PTPRQ: variants seen among roughly 807,000 people sequenced by gnomAD.
PTPRQ encodes protein tyrosine phosphatase receptor type Q.
PTPRQ carries 199 observed loss-of-function variants against 246.0 expected under a neutral mutation model. The ratio of observed to expected loss-of-function variants is 0.81; its 90% confidence interval spans 0.72 to 0.91. The LOEUF is 0.91. Ranked by LOEUF, PTPRQ falls within the 40% of genes least tolerant of loss-of-function variation. The pLI is 0.00. For missense variants in PTPRQ, 2,624 were observed against 2,528.4 expected, an observed-to-expected ratio of 1.04 and a Z score of -0.81; for synonymous variants, 869 against 853.2, an observed-to-expected ratio of 1.02 and a Z score of -0.32.
At chr12:80,562,243 A>G (rs535809362) in intron 25 of PTPRQ, among the ~76,000 whole-genome samples, 21 of 152,256 alleles carry the variant, frequency 1.4e-4, no homozygotes, top group African/African-American at 4.6e-4. Flanking sequence ...AATACTGGTC[A>G]GTAGTTTGCT....
At chr12:80,643,012 A>G (rs1899943069) in intron 35 of PTPRQ, among the ~76,000 whole-genome samples, 1 of 152,068 alleles carries the variant, frequency 6.6e-6, no homozygotes, top group African/African-American at 2.4e-5. Context: ...TGAGAAAGGA[A>G]GAAACATTGC....
intron 6 of PTPRQ, among the ~76,000 whole-genome samples, chr12:80,467,210 A>C (rs956330109): frequency 6.6e-6 from 1 of 152,176 alleles, no homozygotes; most frequent in Admixed American, 6.5e-5. Context: ...ATGAACAGAC[A>C]CTTCTCAAAA....
chr12:80,463,510 C>G (rs958770276), intron 6 of PTPRQ, among the ~76,000 whole-genome samples: 3 of 152,084 alleles, frequency 2.0e-5, no homozygotes, highest in African/African-American at 7.3e-5. Flanking sequence ...TCAGGAAATA[C>G]AGAGAATGCC....
intron 3 of PTPRQ, among the ~76,000 whole-genome samples, chr12:80,453,429 G>A (rs1209473730): frequency 6.6e-6 from 1 of 152,088 alleles, no homozygotes. Context: ...TCCTTTGGAG[G>A]AGGAGAGCTG....
At chr12:80,588,707 T>TGCATTGTGG in intron 26 of PTPRQ, among the ~76,000 whole-genome samples, 1 of 152,334 alleles carries the variant, frequency 6.6e-6, no homozygotes, top group Non-Finnish European at 1.5e-5. Flanking sequence ...ATTGCAACAG[T>TGCATTGTGG]GCATTGTGGG....
At chr12:80,485,946 C>A (rs1894261414) in intron 9 of PTPRQ, among the ~76,000 whole-genome samples, 1 of 151,986 alleles carries the variant, frequency 6.6e-6, no homozygotes, top group African/African-American at 2.4e-5. Flanking sequence ...AGCTCATGAG[C>A]TTTGGAGACG....
chr12:80,601,314 C>A (rs981587785), intron 26 of PTPRQ, among the ~76,000 whole-genome samples: 5 of 151,718 alleles, frequency 3.3e-5, no homozygotes, highest in African/African-American at 1.2e-4. Flanking sequence ...ATATTTCCAG[C>A]ACTTCCAAAG....
chr12:80,639,235 T>C lies in PTPRQ; in HGVS notation c.5915+4162T>C, dbSNP rs541759303. On this transcript the variant is annotated intron_variant, in intron 35 of 44. Transcript: ENST00000644991. ...CAGAATTTTCGTAAGCTAAAAATGC[T>C]ATTTGCTAAATAAGCTTATTTTTTA... Among the ~76,000 whole-genome samples, 4 of 152,350 alleles carry C rather than the reference T, an allele frequency of 2.6e-5. No homozygotes were observed. The South Asian group carries it at 8.3e-4, about 32-fold the overall frequency.
At chr12:80,663,786 A>G (rs1900703795) in intron 39 of PTPRQ, among the ~76,000 whole-genome samples, 1 of 151,890 alleles carries the variant, frequency 6.6e-6, no homozygotes, top group Non-Finnish European at 1.5e-5. Context: ...TTCACCACCA[A>G]GAATTGTAGC....
intron 17 of PTPRQ, among the ~76,000 whole-genome samples, chr12:80,528,600 T>C (rs73347802): frequency 0.012 from 1,764 of 152,266 alleles, 43 homozygotes; most frequent in African/African-American, 0.039. Context: ...TTCAAGCCCT[T>C]TGCTAAATCT....
chr12:80,597,683 A>G (rs1200250273), intron 26 of PTPRQ, among the ~76,000 whole-genome samples: 1 of 151,928 alleles, frequency 6.6e-6, no homozygotes, highest in Non-Finnish European at 1.5e-5. Context: ...TTCAAATGGC[A>G]TGTCGACGTT....
chr12:80,455,790 C>T (rs960490160), intron 3 of PTPRQ, among the ~76,000 whole-genome samples: 6 of 151,628 alleles, frequency 4.0e-5, no homozygotes, highest in Admixed American at 6.6e-5. Flanking sequence ...TTAGCAGAGA[C>T]GGGTTTCACT....
rs1022842148 is a variant in PTPRQ at position 80,649,486 on chromosome 12, G to A, written c.5943-102G>A. ...CTGTGTTGTTTGTGATTTTGGGGAT[G>A]TCCATTGTTCTTTAACTTGTTAAAA... On this transcript the variant is annotated intron_variant, in intron 36 of 44. Transcript: ENST00000644991. The A allele has an allele frequency of 4.3e-6, 6 of 1,389,824 alleles. No individual in the cohort carries two copies. The African/African-American group carries it at 8.8e-5, about 20-fold the overall frequency. The allele number at this position is 1,389,824 out of a possible 1,614,324, so 86.1% of individuals were successfully genotyped here. A position where few individuals can be genotyped will look rare whatever the true frequency, so the allele number is the denominator to read the frequency against.
chr12:80,493,330 G>C lies in PTPRQ; in HGVS notation c.1415G>C (p.Gly472Ala). Residue 472 changes from glycine (G) to alanine (A), a missense_variant, in exon 10 of 45, where the codon GGA becomes GCA. By Grantham distance (60) the Gly-to-Ala change is moderately conservative. Transcript: ENST00000644991. ...EIVNIVEPMV[G>A]LYEGSAEMSS... ...GTGAACATAGTAGAGCCAATGGTAGGATTATATGAGGGTTCAGCAGAGATG... is the reference window on the plus strand; with the variant it reads ...GTGAACATAGTAGAGCCAATGGTAGCATTATATGAGGGTTCAGCAGAGATG... 5.2e-6 allele frequency: 8 copies of C among 1,549,290 alleles called. No homozygotes were observed. The highest frequency in any genetic ancestry group is 7.0e-6 in the Non-Finnish European group (8 of 1,145,530).
intron 36 of PTPRQ, 85 bp downstream of exon 36, chr12:80,649,008 CT>C: frequency 7.7e-7 from 1 of 1,295,508 alleles, no homozygotes; most frequent in Non-Finnish European, 1.0e-6. Context: ...GTGTGATTCA[CT>C]TTTTGTATGT....
In PTPRQ at chr12:80,644,595, A is replaced by G. The variant is rs569987320; in HGVS notation, c.5916-4302A>G. On this transcript the variant is annotated intron_variant, in intron 35 of 44. Coordinates refer to ENST00000644991, the MANE Select transcript of PTPRQ (RefSeq NM_001145026.2). ...AGCATTGTTGATTTTCATGCACATC[A>G]ATTTCTGTGAGTTTCTAGTGCTTAT... Among the ~76,000 whole-genome samples, 518 of 152,174 alleles carry G rather than the reference A, an allele frequency of 3.4e-3. 2 individuals carry two copies. Among genetic ancestry groups the G allele is most frequent in the African/African-American group, 0.012 (497 of 41,534 alleles).
rs1465893590 is a variant in PTPRQ at position 80,484,518 on chromosome 12, T to C, written c.1272T>C (p.Asn424=). The change falls in exon 9 of 45, where the codon AAT becomes AAC. Residue 424 remains asparagine, a synonymous_variant. Transcript: ENST00000644991. ...CTTGGAAGAAACCACGACAACCAAA[T>C]GGAATTATTAACCAATACCGAGTGA... ...RITWKKPRQP[N]GIINQYRVKV... 6.4e-7 allele frequency: 1 copy of C among 1,551,324 alleles called. No homozygotes were observed.
At chr12:80,600,682 C>T (rs1163443630) in intron 26 of PTPRQ, among the ~76,000 whole-genome samples, 1 of 151,788 alleles carries the variant, frequency 6.6e-6, no homozygotes, top group East Asian at 1.9e-4. Flanking sequence ...GTACATGAAT[C>T]AAATAGATGT....
At chr12:80,447,239 T>C (rs1320143759) in intron 3 of PTPRQ, among the ~76,000 whole-genome samples, 1 of 152,050 alleles carries the variant, frequency 6.6e-6, no homozygotes, top group East Asian at 1.9e-4. Context: ...TTTGTCCACT[T>C]TTTAATGGGG....
Sources: allele counts gnomAD v4.1 joint callset (sites outside exome capture counted in the v4.1 genomes callset), GRCh38; gene constraint gnomAD v4.1.1; transcripts MANE v1.5; gene names NCBI Gene and HGNC (gene_info 2026-07-23, HGNC 2026-07-21).